Variants in RARB observed in about 807,000 individuals in gnomAD.
The protein encoded by RARB is retinoic acid receptor beta.
RARB carries 17 observed loss-of-function variants against 51.9 expected under a neutral mutation model. The observed-to-expected ratio is 0.33, with a 90% CI of 0.22 to 0.49. RARB has a LOEUF of 0.49. RARB is among the 20% of genes least tolerant of loss of function. RARB has a pLI of 0.99. For missense variants in RARB, 369 were observed against 550.8 expected (o/e 0.67, Z 3.30); for synonymous variants, 215 against 195.4 (o/e 1.10, Z -0.84).
chr3:25,064,605 T>C (rs977625169), intron 3 of RARB, among the ~76,000 whole-genome samples: 2 of 152,058 alleles, frequency 1.3e-5, no homozygotes, highest in Non-Finnish European at 2.9e-5. Context: ...CCCAGTGCTA[T>C]TGTGAAATGT....
At chr3:24,878,271 C>G (rs1331411419) in intron 2 of RARB, among the ~76,000 whole-genome samples, 1 of 144,728 alleles carries the variant, frequency 6.9e-6, no homozygotes, top group Non-Finnish European at 1.5e-5. Context: ...TTTAAACTTT[C>G]TTTTACTTTA....
chr3:25,540,038 G>A (rs924366370), intron 3 of RARB, among the ~76,000 whole-genome samples: 5 of 152,130 alleles, frequency 3.3e-5, no homozygotes, highest in African/African-American at 7.2e-5. Context: ...CCCAGCTTTG[G>A]TTCTACACAG....
chr3:25,192,553 C>T (rs1030028783), intron 5 of RARB, among the ~76,000 whole-genome samples: 6 of 152,192 alleles, frequency 3.9e-5, no homozygotes, highest in African/African-American at 1.4e-4. Context: ...CTTTACTCAT[C>T]GTGTTTTCCA....
intron 5 of RARB, among the ~76,000 whole-genome samples, chr3:25,192,605 C>T (rs923120855): frequency 5.9e-5 from 9 of 152,038 alleles, no homozygotes; most frequent in African/African-American, 1.9e-4. Context: ...CCCTAGCAGG[C>T]ATTTGGAATT....
intron 5 of RARB, among the ~76,000 whole-genome samples, chr3:25,253,572 T>A (rs952676857): frequency 1.3e-5 from 2 of 152,048 alleles, no homozygotes; most frequent in Non-Finnish European, 2.9e-5. Flanking sequence ...AATACTGAAT[T>A]TTCAAAGGTA....
At chr3:25,200,539 T>A (rs191219741) in intron 5 of RARB, among the ~76,000 whole-genome samples, 1 of 152,200 alleles carries the variant, frequency 6.6e-6, no homozygotes, top group Admixed American at 6.6e-5. Flanking sequence ...CTGAATGGTA[T>A]TGCCTAGGTT....
In RARB at chr3:25,021,733, A is replaced by G. The variant is rs535218843; in HGVS notation, c.-379-38392A>G. Among the ~76,000 whole-genome samples the G allele has an allele frequency of 3.3e-5, 5 of 152,178 alleles. No individual in the cohort carries two copies. The South Asian group carries it at 8.3e-4, about 25-fold the overall frequency. On this transcript the variant is annotated intron_variant, in intron 2 of 11. Transcript: ENST00000383772. ...ATTTTTTTTTTAAATTCGAGGACCT[A>G]TAATGTCCAAATGTTGTACTGAGTG...
chr3:25,405,212 A>G (rs2125497077), intron 5 of RARB, among the ~76,000 whole-genome samples: 1 of 152,292 alleles, frequency 6.6e-6, no homozygotes, highest in Admixed American at 6.5e-5. Context: ...TTGAGCCACA[A>G]GATTGACAAA....
intron 2 of RARB, among the ~76,000 whole-genome samples, chr3:24,901,596 C>A (rs1703607584): frequency 6.6e-6 from 1 of 152,154 alleles, no homozygotes; most frequent in African/African-American, 2.4e-5. Context: ...CTTTGGTAAT[C>A]AATTCTTAAA....
chr3:25,143,996 T>C (rs976864761), intron 4 of RARB, among the ~76,000 whole-genome samples: 1 of 152,102 alleles, frequency 6.6e-6, no homozygotes, highest in African/African-American at 2.4e-5. Context: ...TGAAAGATAT[T>C]CATAACCTTG....
intron 1 of RARB, among the ~76,000 whole-genome samples, chr3:25,456,061 G>A (rs1694888645): frequency 6.6e-6 from 1 of 152,182 alleles, no homozygotes; most frequent in South Asian, 2.1e-4. Context: ...AGCTAATACA[G>A]AACACATTGT....
chr3:25,468,152 C>T (rs996251562), intron 2 of RARB, among the ~76,000 whole-genome samples: 3 of 152,044 alleles, frequency 2.0e-5, no homozygotes, highest in Non-Finnish European at 4.4e-5. Context: ...CTTCTCTGGG[C>T]CTTAGCCTAT....
intron 5 of RARB, among the ~76,000 whole-genome samples, chr3:25,406,014 CT>C (rs1483954686): frequency 1.4e-4 from 22 of 152,300 alleles, no homozygotes; most frequent in Non-Finnish European, 2.5e-4. Context: ...TATTCCTTCT[CT>C]TCCTGCCTTA....
intron 5 of RARB, among the ~76,000 whole-genome samples, chr3:25,261,988 A>G (rs546319867): frequency 2.0e-5 from 3 of 152,210 alleles, no homozygotes; most frequent in East Asian, 3.9e-4. Flanking sequence ...ACATGCAATG[A>G]TGTTTTCAAA....
At chr3:25,563,326 C>A (rs1214663311) in intron 3 of RARB, among the ~76,000 whole-genome samples, 1 of 152,190 alleles carries the variant, frequency 6.6e-6, no homozygotes, top group African/African-American at 2.4e-5. Context: ...CTCTTCGGCA[C>A]CCTACCCTCA....
rs115796881 is a variant in RARB at position 25,567,924 on chromosome 3, C to T, written c.449-1834C>T. Among the ~76,000 whole-genome samples the T allele has an allele frequency of 5.9e-3, 891 of 152,268 alleles. 9 individuals carry two copies. The highest frequency in any genetic ancestry group is 0.02 in the African/African-American group (850 of 41,550). ...CCATCCTCACGGAGAGCCACCATGCCGCCTCTGCCACCCTGCATGACCCCT... is the reference window on the plus strand; with the variant it reads ...CCATCCTCACGGAGAGCCACCATGCTGCCTCTGCCACCCTGCATGACCCCT... On this transcript the variant is annotated intron_variant, in intron 3 of 7. Transcript: ENST00000330688.
At position 25,586,321 on chromosome 3, in the gene RARB, G is replaced by A. The variant is rs971888097; in HGVS notation, c.786+5599G>A. 5.9e-5 allele frequency among the ~76,000 whole-genome samples: 9 copies of A among 152,052 alleles called. No individual in the cohort carries two copies. In the South Asian group the frequency reaches 1.5e-3, roughly 25 times the overall value. ...CCAAGCTCTTAAGGCATAGCGTAAT[G>A]ACAGGTGCATTTCCCAAAAGCTTCT... is the stretch of plus-strand genomic sequence containing the variant. On this transcript the variant is annotated intron_variant, in intron 5 of 7. Transcript: ENST00000330688.
chr3:24,864,394 C>A (rs1202381215), intron 2 of RARB, among the ~76,000 whole-genome samples: 1 of 152,188 alleles, frequency 6.6e-6, no homozygotes, highest in Non-Finnish European at 1.5e-5. Flanking sequence ...CCTCTGGATA[C>A]TTCCCTGGCT....
At chr3:25,098,668 T>A (rs977016836) in intron 3 of RARB, among the ~76,000 whole-genome samples, 1 of 152,108 alleles carries the variant, frequency 6.6e-6, no homozygotes, top group African/African-American at 2.4e-5. Flanking sequence ...TATGGCTGAT[T>A]TTGCACTGCA....
Sources: allele counts gnomAD v4.1 joint callset (sites outside exome capture counted in the v4.1 genomes callset), GRCh38; gene constraint gnomAD v4.1.1; transcripts MANE v1.5; gene names NCBI Gene and HGNC (gene_info 2026-07-23, HGNC 2026-07-21).